Variants in APBB2 observed in about 807,000 individuals in gnomAD.
APBB2 encodes the protein amyloid beta precursor protein binding family B member 2, also known as Fe65-like 1.
APBB2 carries 38 observed loss-of-function variants against 82.5 expected under a neutral mutation model. The ratio of observed to expected loss-of-function variants is 0.46; its 90% confidence interval spans 0.36 to 0.60. The LOEUF (loss-of-function observed/expected upper bound fraction) is 0.60. Among genes scored for constraint, APBB2 ranks in the 20% least tolerant of loss-of-function variants. APBB2 has a pLI of 0.00. For missense variants in APBB2, 772 were observed against 972.3 expected (o/e 0.79, Z 2.74); for synonymous variants, 341 against 368.2 (o/e 0.93, Z 0.85).
chr4:40,888,577 C>T (rs1472116403), intron 12 of APBB2, among the ~76,000 whole-genome samples: 1 of 134,602 alleles, frequency 7.4e-6, no homozygotes, highest in Non-Finnish European at 1.6e-5. Context: ...TATGTAGTGT[C>T]ACAAGCTCCA....
At chr4:41,086,918 T>A (rs1739907378) in intron 3 of APBB2, among the ~76,000 whole-genome samples, 1 of 26,482 alleles carries the variant, frequency 3.8e-5, no homozygotes, top group Non-Finnish European at 6.6e-5. Context: ...ACCTTAAAAA[T>A]TCCACACACA....
intron 3 of APBB2, among the ~76,000 whole-genome samples, chr4:41,068,672 C>T (rs1179193340): frequency 6.6e-6 from 1 of 151,774 alleles, no homozygotes; most frequent in African/African-American, 2.4e-5. Context: ...TCAAAAAATA[C>T]TATTATAAGC....
At chr4:41,085,882 C>T (rs1336742505) in intron 3 of APBB2, among the ~76,000 whole-genome samples, 1 of 151,750 alleles carries the variant, frequency 6.6e-6, no homozygotes, top group African/African-American at 2.4e-5. Flanking sequence ...AAAAGCCAAC[C>T]TCCAAGAAAA....
chr4:40,858,482 C>CA (rs1270668365), intron 12 of APBB2, among the ~76,000 whole-genome samples: 1 of 115,696 alleles, frequency 8.6e-6, no homozygotes. Context: ...AAAAAAAGAG[C>CA]AAAATAGGCA....
At chr4:41,073,933 G>A (rs1734734961) in intron 3 of APBB2, among the ~76,000 whole-genome samples, 1 of 152,158 alleles carries the variant, frequency 6.6e-6, no homozygotes, top group South Asian at 2.1e-4. Flanking sequence ...GGGCAATGTA[G>A]CAAGACCTCA....
rs553648026 is a variant in APBB2 at position 41,020,449 on chromosome 4, CTAA to C, written c.20-6054_20-6052del. Among the ~76,000 whole-genome samples the C allele has an allele frequency of 3.4e-3, 519 of 152,306 alleles. 1 individual carries two copies. The highest frequency in any genetic ancestry group is 5.3e-3 in the Non-Finnish European group (360 of 68,020). On this transcript the variant is annotated intron_variant, in intron 5 of 17. Coordinates refer to ENST00000508593, the MANE Select transcript of APBB2 (RefSeq NM_004307.2). Reference sequence around the variant, plus strand: ...CTGTAGAAGCAGTTAGGAAAATTGCCTAATAATTGGTCTGCTCAAACCAGTGCC... The same window carrying C: ...CTGTAGAAGCAGTTAGGAAAATTGCCTAATTGGTCTGCTCAAACCAGTGCC...
chr4:41,125,609 G>A (rs1264270337), intron 2 of APBB2, among the ~76,000 whole-genome samples: 1 of 152,072 alleles, frequency 6.6e-6, no homozygotes, highest in East Asian at 1.9e-4. Flanking sequence ...CAGATCTATT[G>A]GAATGTGAAA....
At chr4:40,905,560 C>T (rs1776483288) in intron 10 of APBB2, among the ~76,000 whole-genome samples, 1 of 152,184 alleles carries the variant, frequency 6.6e-6, no homozygotes, top group Admixed American at 6.5e-5. Flanking sequence ...CAAGTCAGCT[C>T]CTGCCTGCGA....
intron 1 of APBB2, among the ~76,000 whole-genome samples, chr4:41,169,730 C>T (rs1180194167): frequency 1.3e-5 from 2 of 152,158 alleles, no homozygotes; most frequent in East Asian, 3.8e-4. Flanking sequence ...AAACTGTAAT[C>T]ATTTCAACTG....
chr4:40,896,868 G>C (rs1773816984), intron 10 of APBB2, among the ~76,000 whole-genome samples: 3 of 152,168 alleles, frequency 2.0e-5, no homozygotes, highest in African/African-American at 7.2e-5. Context: ...TGTGGAAATG[G>C]GGTTCAAGAC....
intron 10 of APBB2, among the ~76,000 whole-genome samples, chr4:40,906,549 T>A (rs546519095): frequency 2.6e-4 from 39 of 151,820 alleles, no homozygotes; most frequent in Non-Finnish European, 1.8e-4. Context: ...TTAAGGGGAT[T>A]TCAGAGTCCC....
At chr4:41,015,892 T>C (rs1809770168) in intron 5 of APBB2, among the ~76,000 whole-genome samples, 1 of 152,208 alleles carries the variant, frequency 6.6e-6, no homozygotes, top group East Asian at 1.9e-4. Context: ...AATGGAAGGT[T>C]TCTGCCTTTT....
chr4:40,999,495 T>C (rs1396730379), intron 6 of APBB2, among the ~76,000 whole-genome samples: 1 of 152,216 alleles, frequency 6.6e-6, no homozygotes, highest in East Asian at 1.9e-4. Flanking sequence ...CTGTTTATTC[T>C]AGGCACTAAG....
At chr4:41,202,899 G>A (rs1328710502) in intron 1 of APBB2, among the ~76,000 whole-genome samples, 2 of 152,114 alleles carry the variant, frequency 1.3e-5, no homozygotes, top group African/African-American at 2.4e-5. Context: ...ACAAATGTTC[G>A]TATAAAAATC....
intron 5 of APBB2, among the ~76,000 whole-genome samples, chr4:41,027,163 G>A (rs1714623568): frequency 6.6e-6 from 1 of 151,944 alleles, no homozygotes; most frequent in African/African-American, 2.4e-5. Flanking sequence ...CCCGATTAAA[G>A]CCTTCTTCCT....
chr4:40,965,521 T>C (rs1374721206), intron 6 of APBB2, among the ~76,000 whole-genome samples: 1 of 152,164 alleles, frequency 6.6e-6, no homozygotes, highest in East Asian at 1.9e-4. Flanking sequence ...AGATGTGCTG[T>C]CAGTATAAAA....
intron 6 of APBB2, among the ~76,000 whole-genome samples, chr4:41,000,957 A>C (rs1479336709): frequency 6.6e-6 from 1 of 152,250 alleles, no homozygotes; most frequent in Admixed American, 6.5e-5. Flanking sequence ...TTCTGGAGAA[A>C]GGGAAGAGCA....
intron 5 of APBB2, among the ~76,000 whole-genome samples, chr4:41,016,005 T>C (rs945516961): frequency 2.0e-5 from 3 of 152,240 alleles, no homozygotes. Context: ...ATTTATAATT[T>C]AATTTCACTC....
At chr4:41,147,762 T>C (rs1035304256) in intron 1 of APBB2, among the ~76,000 whole-genome samples, 5 of 152,108 alleles carry the variant, frequency 3.3e-5, no homozygotes, top group Non-Finnish European at 5.9e-5. Context: ...TTTTTACTAA[T>C]GTCACAGGGA....
Sources: allele counts gnomAD v4.1 joint callset (sites outside exome capture counted in the v4.1 genomes callset), GRCh38; gene constraint gnomAD v4.1.1; transcripts MANE v1.5; gene names NCBI Gene and HGNC (gene_info 2026-07-23, HGNC 2026-07-21).